The following DDR2 variants were observed in gnomAD, a reference collection of about 807,000 sequenced individuals.
DDR2 encodes the protein discoidin domain-containing receptor 2.
In DDR2, 27 loss-of-function variants were observed where a neutral mutation model predicts 94.9. The observed-to-expected ratio is 0.28, with a 90% CI of 0.21 to 0.39. The LOEUF (loss-of-function observed/expected upper bound fraction) is 0.39, where lower values mean the gene tolerates loss of function less well. Ranked by LOEUF, DDR2 falls within the 10% of genes least tolerant of loss-of-function variation. DDR2 has a pLI of 1.00. For synonymous variants in DDR2, 382 were observed against 377.2 expected (o/e 1.01, Z -0.15); for missense variants, 783 against 1,076.0 (o/e 0.73, Z 3.81).
At chr1:162,730,960 C>T (rs1034508795) in intron 3 of DDR2, among the ~76,000 whole-genome samples, 1 of 152,230 alleles carries the variant, frequency 6.6e-6, no homozygotes. Flanking sequence ...CCTGCCCCTG[C>T]TCCAAATGGG....
At chr1:162,752,175 T>A (rs996143619) in intron 3 of DDR2, among the ~76,000 whole-genome samples, 3 of 152,096 alleles carry the variant, frequency 2.0e-5, no homozygotes, top group African/African-American at 7.2e-5. Context: ...AAAAAAAACT[T>A]TTGTTGCTTA....
At chr1:162,713,049 A>G (rs1012124696) in intron 2 of DDR2, among the ~76,000 whole-genome samples, 5 of 152,168 alleles carry the variant, frequency 3.3e-5, no homozygotes, top group South Asian at 2.1e-4. Flanking sequence ...GTACTTTTCT[A>G]TTGTCAAAAG....
At chr1:162,653,262 T>C (rs1033945873) in intron 1 of DDR2, among the ~76,000 whole-genome samples, 2 of 152,186 alleles carry the variant, frequency 1.3e-5, no homozygotes, top group South Asian at 2.1e-4. Flanking sequence ...GTCTTAGTAC[T>C]GCAGGGAACT....
In DDR2 at chr1:162,780,185, C is replaced by A. The variant is rs147604927; in HGVS notation, c.2507C>A (p.Thr836Lys). Reference sequence around the variant, plus strand: ...ATGCTCAGCTGCTGGAGAAGAGATACGAAGAACCGTCCCTCATTCCAAGAA... The same window carrying A: ...ATGCTCAGCTGCTGGAGAAGAGATAAGAAGAACCGTCCCTCATTCCAAGAA... ...KLMLSCWRRD[T>K]KNRPSFQEIH... The change falls in exon 18 of 18, where the codon ACG becomes AAG. Residue 836 changes from threonine (T) to lysine (K), a missense_variant. Transcript: ENST00000367921. 1 of 1,613,848 alleles carries A rather than the reference C, an allele frequency of 6.2e-7. No homozygotes were observed. Among genetic ancestry groups the A allele is most frequent in the Non-Finnish European group, 8.5e-7 (1 of 1,179,944 alleles).
chr1:162,652,398 C>T (rs1437579091), intron 1 of DDR2, among the ~76,000 whole-genome samples: 1 of 152,162 alleles, frequency 6.6e-6, no homozygotes, highest in Non-Finnish European at 1.5e-5. Flanking sequence ...GGAAAGCAGA[C>T]TCGTGCTTCT....
chr1:162,664,511 T>G (rs1658450185), intron 2 of DDR2, among the ~76,000 whole-genome samples: 2 of 152,148 alleles, frequency 1.3e-5, no homozygotes, highest in African/African-American at 4.8e-5. Flanking sequence ...GTTAAATATA[T>G]AAGTTATAAG....
rs748822715 is a variant in DDR2 at position 162,761,258 on chromosome 1, G to A, written c.903G>A (p.Glu301=). The A allele has an allele frequency of 6.2e-7, 1 of 1,614,096 alleles. No homozygotes were observed. Among genetic ancestry groups the A allele is most frequent in the Non-Finnish European group, 8.5e-7 (1 of 1,180,010 alleles). Residue 301 remains glutamate (E), a synonymous_variant, in exon 9 of 18, where the codon GAG becomes GAA. Transcript: ENST00000367921. The part of the protein sequence containing the change: ...MFAKGVKIFK[E]VQCYFRSEAS... Reference sequence around the variant, plus strand: ...CTAAAGGTGTGAAGATCTTTAAGGAGGTACAGTGCTACTTCCGCTCTGAAG... The same window carrying A: ...CTAAAGGTGTGAAGATCTTTAAGGAAGTACAGTGCTACTTCCGCTCTGAAG...
chr1:162,776,590 A>G (rs1256546404), intron 16 of DDR2, among the ~76,000 whole-genome samples: 1 of 152,244 alleles, frequency 6.6e-6, no homozygotes, highest in African/African-American at 2.4e-5. Context: ...GAGAGAAGTT[A>G]AAAAGTATAA....
At chr1:162,727,883 C>G (rs778486086) in intron 3 of DDR2, among the ~76,000 whole-genome samples, 2 of 148,526 alleles carry the variant, frequency 1.3e-5, no homozygotes, top group East Asian at 3.9e-4. Context: ...TCTGTGAGGG[C>G]TATCTTGCCA....
intron 6 of DDR2, 21 bp downstream of exon 6, chr1:162,755,324 G>A (rs761798183): frequency 1.9e-6 from 3 of 1,613,358 alleles, no homozygotes; most frequent in Non-Finnish European, 1.7e-6. Flanking sequence ...AGCCCAGGAA[G>A]CCTATAGACT....
At chr1:162,760,464 CTA>C (rs1172074650) in intron 8 of DDR2, among the ~76,000 whole-genome samples, 11 of 142,468 alleles carry the variant, frequency 7.7e-5, no homozygotes, top group African/African-American at 2.1e-4. Context: ...ACATATACAA[CTA>C]TATATATACA....
intron 1 of DDR2, among the ~76,000 whole-genome samples, chr1:162,644,281 C>G (rs191572108): frequency 3.3e-5 from 5 of 152,096 alleles, no homozygotes; most frequent in African/African-American, 1.2e-4. Flanking sequence ...GTATCTGAAG[C>G]CTCCATAAGG....
chr1:162,727,130 T>A, intron 3 of DDR2, among the ~76,000 whole-genome samples: 1 of 146,172 alleles, frequency 6.8e-6, no homozygotes, highest in Non-Finnish European at 1.5e-5. Context: ...ATTTTGTAAA[T>A]ATAAACATAT....
chr1:162,712,807 C>T (rs887592414), intron 2 of DDR2, among the ~76,000 whole-genome samples: 4 of 152,132 alleles, frequency 2.6e-5, no homozygotes, highest in African/African-American at 4.8e-5. Context: ...TGGAGTCAGG[C>T]GAACTGGGAT....
rs561753869 is a variant in DDR2 at position 162,784,164 on chromosome 1, C to G, written c.*3918C>G. ...CCCATCCAGGCTTCCCACAAGAAAG[C>G]CATGATGTGGGTCTAAACCATATGT... On this transcript the variant is annotated 3_prime_UTR_variant, in exon 18 of 18. Coordinates refer to ENST00000367921, the MANE Select transcript of DDR2 (RefSeq NM_006182.4). The G allele has an allele frequency of 2.2e-4, 34 of 152,046 alleles. No homozygotes were observed. The highest frequency in any genetic ancestry group is 1.5e-3 in the South Asian group (7 of 4,810). 9.4% of individuals were successfully genotyped at this position (152,046 alleles called of 1,614,324 possible).
At position 162,786,164 on chromosome 1, in the gene DDR2, C is replaced by G. The variant is rs1293238842; in HGVS notation, c.*5918C>G. The G allele has an allele frequency of 6.6e-6, 1 of 152,228 alleles. No homozygotes were observed. Among genetic ancestry groups the G allele is most frequent in the Non-Finnish European group, 1.5e-5 (1 of 68,040 alleles). 9.4% of individuals were successfully genotyped at this position (152,228 alleles called of 1,614,324 possible). A position where few individuals can be genotyped will look rare whatever the true frequency, so the allele number is the denominator to read the frequency against. Reference sequence around the variant, plus strand: ...GTTTTCTTGAAAACAGGCTTGGACACAATTGAAAGCTGGCTTCCTGCAAAC... The same window carrying G: ...GTTTTCTTGAAAACAGGCTTGGACAGAATTGAAAGCTGGCTTCCTGCAAAC... On this transcript the variant is annotated 3_prime_UTR_variant, in exon 18 of 18. Coordinates refer to ENST00000367921, the MANE Select transcript of DDR2 (RefSeq NM_006182.4).
chr1:162,690,959 G>A (rs1659936451), intron 2 of DDR2, among the ~76,000 whole-genome samples: 1 of 152,116 alleles, frequency 6.6e-6, no homozygotes, highest in Admixed American at 6.5e-5. Context: ...CCAAGTTTTG[G>A]CTCTTGGGTT....
At chr1:162,672,539 C>T (rs1039483410) in intron 2 of DDR2, among the ~76,000 whole-genome samples, 1 of 152,062 alleles carries the variant, frequency 6.6e-6, no homozygotes, top group African/African-American at 2.4e-5. Context: ...TATATTTAAA[C>T]ACATATGCAT....
Position 162,754,624 on chromosome 1 carries a change from G to A in DDR2, c.186G>A (p.Arg62=), listed in dbSNP as rs751530321. 3 of 1,614,048 alleles carry A rather than the reference G, an allele frequency of 1.9e-6. No individual in the cohort carries two copies. Among genetic ancestry groups the A allele is most frequent in the Non-Finnish European group, 2.5e-6 (3 of 1,179,972 alleles). ...CTCTCCCCAACCCTCACCTCTCAAG[G>A]CTGGACTCAGAAGAAGGGGATGGAG... ...WSESTAAKYG[R]LDSEEGDGAW... The change falls in exon 5 of 18, where the codon AGG becomes AGA. Residue 62 remains arginine (R), a splice_region_variant and synonymous_variant. Transcript: ENST00000367921.
Sources: allele counts gnomAD v4.1 joint callset (sites outside exome capture counted in the v4.1 genomes callset), GRCh38; gene constraint gnomAD v4.1.1; transcripts MANE v1.5; gene names NCBI Gene and HGNC (gene_info 2026-07-23, HGNC 2026-07-21).